GCSH: variants seen among roughly 807,000 people sequenced by gnomAD.
GCSH encodes the protein glycine cleavage system protein H.
Under a neutral mutation model 21.3 loss-of-function variants are expected in GCSH, and 15 were observed. The ratio of observed to expected loss-of-function variants is 0.70; its 90% CI spans 0.47 to 1.08. The LOEUF is 1.08. Ranked by LOEUF, GCSH falls within the 50% of genes least tolerant of loss-of-function variation. The pLI, the probability that GCSH is intolerant of heterozygous loss-of-function variation, is 0.00. For missense variants in GCSH, 179 were observed against 217.5 expected, an observed-to-expected ratio of 0.82 and a Z score of 1.11; for synonymous variants, 59 against 84.5, an observed-to-expected ratio of 0.70 and a Z score of 1.66.
rs1245681084 is a variant in GCSH, at chr16:81,084,587, A to T, written c.300T>A (p.Phe100Leu). 3 of 1,606,578 alleles carry T rather than the reference A, an allele frequency of 1.9e-6. No homozygotes were observed. Residue 100 changes from phenylalanine (F) to leucine (L), a missense_variant, in exon 4 of 5, where the codon TTT (phenylalanine) becomes TTA (leucine). Physicochemically the swap from Phe to Leu is conservative, Grantham distance 22. Coordinates refer to ENST00000315467, the MANE Select transcript of GCSH (RefSeq NM_004483.5). Reference protein sequence around the residue: ...VGTKLNKQDEFGALESVKAAS... With the variant: ...VGTKLNKQDELGALESVKAAS... ...CAGCTTTCACACTTTCCAAAGCACCAAACTCATCTAAGTGGAAAAAAAATT... is the reference window on the plus strand; with the variant it reads ...CAGCTTTCACACTTTCCAAAGCACCTAACTCATCTAAGTGGAAAAAAAATT...
chr16:81,094,720 C>T (rs905197751), intron 1 of GCSH, among the ~76,000 whole-genome samples: 4 of 152,058 alleles, frequency 2.6e-5, no homozygotes, highest in African/African-American at 7.2e-5. Context: ...GTTTCTAAAA[C>T]AATGAGCTAA....
chr16:81,084,253 A>G (rs1366543721), intron 4 of GCSH: 1 of 621,402 alleles, frequency 1.6e-6, no homozygotes, highest in Non-Finnish European at 2.9e-6. Context: ...TGCTGGGATC[A>G]CAGGCGCGAG....
At position 81,096,382 on chromosome 16, in the gene GCSH, G is replaced by A; in HGVS notation, c.-104C>T. The A allele has an allele frequency of 4.1e-6, 4 of 965,474 alleles. No homozygotes were observed. The highest frequency in any genetic ancestry group is 5.5e-6 in the Non-Finnish European group (4 of 722,616). 59.8% of individuals were successfully genotyped at this position (965,474 alleles called of 1,614,324 possible). A position where few individuals can be genotyped will look rare whatever the true frequency, so the allele number is the denominator to read the frequency against. The stretch of plus-strand genomic sequence containing the variant: ...GGCCGGAGGGAGCCGGCTGGATGGA[G>A]GCGCGGAGGCGGTGCCGCGGGGGCG... On this transcript the variant is annotated 5_prime_UTR_variant, in exon 1 of 5. Transcript: ENST00000315467.
At chr16:81,096,060 T>A (rs2151775791) in intron 1 of GCSH, 71 bp downstream of exon 1, 1 of 1,188,338 alleles carries the variant, frequency 8.4e-7, no homozygotes, top group Non-Finnish European at 1.1e-6. Context: ...GCGTCCTCCG[T>A]GTCCCGCTGG....
At chr16:81,083,442 G>A (rs757018301) in intron 4 of GCSH, 19 of 185,734 alleles carry the variant, frequency 1.0e-4, no homozygotes, top group Non-Finnish European at 1.8e-4. Context: ...GCTTGAACCC[G>A]AGAAGGGGAG....
At chr16:81,093,093 T>G (rs939923141) in intron 1 of GCSH, among the ~76,000 whole-genome samples, 4 of 150,956 alleles carry the variant, frequency 2.6e-5, no homozygotes, top group Non-Finnish European at 4.4e-5. Context: ...GATTGCACCA[T>G]TGCCTGGGCG....
intron 3 of GCSH, among the ~76,000 whole-genome samples, chr16:81,085,134 C>A (rs1162812599): frequency 6.6e-6 from 1 of 151,292 alleles, no homozygotes; most frequent in African/African-American, 2.4e-5. Flanking sequence ...CCTGCCTCAG[C>A]CTCCCAAGTA....
intron 2 of GCSH, 134 bp from the exon 3 acceptor site, chr16:81,087,798 T>C (rs1172713292): frequency 1.4e-6 from 1 of 709,772 alleles, no homozygotes; most frequent in South Asian, 1.6e-5. Flanking sequence ...GGCTACATTC[T>C]TGAGTTTTCC....
intron 2 of GCSH, among the ~76,000 whole-genome samples, chr16:81,089,014 T>C (rs1972339530): frequency 6.6e-6 from 1 of 152,120 alleles, no homozygotes; most frequent in South Asian, 2.1e-4. Flanking sequence ...TCAAAAACTA[T>C]CCAACACTGG....
intron 4 of GCSH, 154 bp downstream of exon 4, chr16:81,084,309 A>C (rs1972227900): frequency 8.4e-6 from 6 of 716,936 alleles, no homozygotes; most frequent in Non-Finnish European, 1.5e-5. Context: ...TAAGTATTCA[A>C]CTAACCTCTG....
At chr16:81,084,410 TA>T in intron 4 of GCSH, 52 bp downstream of exon 4, 1 of 1,360,916 alleles carries the variant, frequency 7.3e-7, no homozygotes, top group Non-Finnish European at 1.1e-6. Context: ...AAATTCTAGA[TA>T]AAATATTTAC....
chr16:81,096,142 G>A lies in GCSH; in HGVS notation c.137C>T (p.Ala46Val). 7.8e-7 allele frequency: 1 copy of A among 1,284,300 alleles called. No individual in the cohort carries two copies. The allele number at this position is 1,284,300 out of a possible 1,614,324, so 79.6% of individuals were successfully genotyped here. A position where few individuals can be genotyped will look rare whatever the true frequency, so the allele number is the denominator to read the frequency against. Reference sequence around the variant, plus strand: ...CCCGCCGCGCTTACCCGAGAGCAGAGCGGGTCCAGTGCGCAGCGTACGGAC... The same window carrying A: ...CCCGCCGCGCTTACCCGAGAGCAGAACGGGTCCAGTGCGCAGCGTACGGAC... The part of the protein sequence containing the change: ...GAVRTLRTGP[A>V]LLSVRKFTEK... Residue 46 changes from alanine to valine, a missense_variant, in exon 1 of 5, where the codon GCT becomes GTT. Ala to Val is a moderately conservative substitution (Grantham distance 64). Coordinates refer to ENST00000315467, the MANE Select transcript of GCSH (RefSeq NM_004483.5).
chr16:81,095,930 C>G (rs950240389), intron 1 of GCSH, among the ~76,000 whole-genome samples: 1 of 152,198 alleles, frequency 6.6e-6, no homozygotes, highest in Non-Finnish European at 1.5e-5. Context: ...AAAGGCTACT[C>G]GCGGGTCCTC....
chr16:81,095,745 T>G (rs1385809023), intron 1 of GCSH, among the ~76,000 whole-genome samples: 1 of 151,926 alleles, frequency 6.6e-6, no homozygotes. Flanking sequence ...GCCTCCCCAT[T>G]TGGGGTCTCA....
chr16:81,088,736 G>C (rs1019648752), intron 2 of GCSH, among the ~76,000 whole-genome samples: 1 of 152,076 alleles, frequency 6.6e-6, no homozygotes, highest in African/African-American at 2.4e-5. Context: ...AACATATTTG[G>C]TGTTCTTCCA....
chr16:81,095,308 G>C (rs943597973), intron 1 of GCSH, among the ~76,000 whole-genome samples: 5 of 151,694 alleles, frequency 3.3e-5, no homozygotes, highest in African/African-American at 1.2e-4. Context: ...TACTTGTTTT[G>C]GGGAAATAGC....
rs1972380075 is a variant in GCSH at position 81,090,648 on chromosome 16, T to C, written c.181A>G (p.Thr61Ala). The part of the protein sequence containing the change: ...RKFTEKHEWV[T>A]TENGIGTVGI... Reference sequence around the variant, plus strand: ...ACTGTTCCAATGCCATTTTCTGTTGTTACCCATTCGTGTTTCTCTGTGAAT... The same window carrying C: ...ACTGTTCCAATGCCATTTTCTGTTGCTACCCATTCGTGTTTCTCTGTGAAT... Residue 61 changes from threonine (T) to alanine (A), a missense_variant, in exon 2 of 5, where the codon ACA becomes GCA. Coordinates refer to ENST00000315467, the MANE Select transcript of GCSH (RefSeq NM_004483.5). 6.2e-7 allele frequency: 1 copy of C among 1,613,068 alleles called. No homozygotes were observed. Among genetic ancestry groups the C allele is most frequent in the African/African-American group, 1.3e-5 (1 of 74,916 alleles).
At position 81,085,490 on chromosome 16, in the gene GCSH, G is replaced by C. The variant is rs915727593; in HGVS notation, c.293-896C>G. Among the ~76,000 whole-genome samples, 4 of 152,128 alleles carry C rather than the reference G, an allele frequency of 2.6e-5. No homozygotes were observed. The South Asian group carries it at 8.3e-4, about 32-fold the overall frequency. ...AGGTTCAGTAAAACTCCATGTTCTTGCAACTTAGCTGTGGCTCAGAAAAAA... is the reference window on the plus strand; with the variant it reads ...AGGTTCAGTAAAACTCCATGTTCTTCCAACTTAGCTGTGGCTCAGAAAAAA... On this transcript the variant is annotated intron_variant, in intron 3 of 4. Transcript: ENST00000315467.
At chr16:81,089,093 C>T (rs1312475961) in intron 2 of GCSH, among the ~76,000 whole-genome samples, 1 of 152,210 alleles carries the variant, frequency 6.6e-6, no homozygotes, top group Non-Finnish European at 1.5e-5. Context: ...AAGCATCTTA[C>T]ATGTCTGAGG....
Sources: gnomAD v4.1 joint callset for allele counts (sites outside exome capture counted in the v4.1 genomes callset) on GRCh38, gnomAD v4.1.1 for gene constraint, MANE v1.5 for transcripts, NCBI Gene and HGNC (gene_info 2026-07-23, HGNC 2026-07-21) for gene names.